VSTM4: variants seen among roughly 807,000 people sequenced by gnomAD.
VSTM4 encodes the protein V-set and transmembrane domain-containing protein 4.
Under a neutral mutation model 36.4 loss-of-function variants are expected in VSTM4, and 20 were observed. That is an observed-to-expected ratio of 0.55 (90% confidence interval 0.39 to 0.80). The LOEUF (loss-of-function observed/expected upper bound fraction) is 0.80. Ranked by LOEUF, VSTM4 falls within the 30% of genes least tolerant of loss-of-function variation. The pLI is 0.00. For missense variants in VSTM4, 392 were observed against 404.5 expected (o/e 0.97, Z 0.26); for synonymous variants, 182 against 173.9 (o/e 1.05, Z -0.37).
In VSTM4 at chr10:49,023,895, C is replaced by G. The variant is rs146576547; in HGVS notation, c.838-4120G>C. Among the ~76,000 whole-genome samples the G allele has an allele frequency of 2.0e-3, 305 of 152,256 alleles. 1 individual carries two copies. Among genetic ancestry groups the G allele is most frequent in the African/African-American group, 6.8e-3 (281 of 41,546 alleles). ...CAAACACTCTTAACGACTGTAAATT[C>G]CATTGAAAGCCTCAAGGAAACTGCT... On this transcript the variant is annotated intron_variant, in intron 7 of 7. Coordinates refer to ENST00000332853, the MANE Select transcript of VSTM4 (RefSeq NM_001031746.5).
Position 49,107,704 on chromosome 10 carries a change from G to C in VSTM4, c.347C>G (p.Thr116Arg). Reference protein sequence around the residue: ...RGALYRLSVLTLQPSDQGHYV... With the variant: ...RGALYRLSVLRLQPSDQGHYV... Reference sequence around the variant, plus strand: ...ATGCCCTTGATCGGAGGGCTGCAGTGTCAAGACGGAGAGCCTGTAGAGCGC... The same window carrying C: ...ATGCCCTTGATCGGAGGGCTGCAGTCTCAAGACGGAGAGCCTGTAGAGCGC... Residue 116 changes from threonine (T) to arginine (R), a missense_variant, in exon 2 of 8, where the codon ACA (threonine) becomes AGA (arginine). Transcript: ENST00000332853. 1 of 1,614,232 alleles carries C rather than the reference G, an allele frequency of 6.2e-7. No homozygotes were observed. The highest frequency in any genetic ancestry group is 1.3e-5 in the African/African-American group (1 of 75,068).
At chr10:49,083,525 T>A (rs1844316456) in intron 3 of VSTM4, among the ~76,000 whole-genome samples, 1 of 152,144 alleles carries the variant, frequency 6.6e-6, no homozygotes, top group African/African-American at 2.4e-5. Flanking sequence ...GCTGCCGAAA[T>A]CATAGGAAAA....
intron 1 of VSTM4, among the ~76,000 whole-genome samples, chr10:49,115,109 A>G (rs1038107758): frequency 1.3e-5 from 2 of 152,042 alleles, no homozygotes; most frequent in Admixed American, 1.3e-4. Context: ...CGAACCACCA[A>G]CTTGGGCTGC....
Position 49,019,533 on chromosome 10 carries a change from G to A in VSTM4, c.*117C>T. 5 of 1,389,236 alleles carry A rather than the reference G, an allele frequency of 3.6e-6. No individual in the cohort carries two copies. Among genetic ancestry groups the A allele is most frequent in the Non-Finnish European group, 3.8e-6 (4 of 1,061,100 alleles). 86.1% of individuals were successfully genotyped at this position (1,389,236 alleles called of 1,614,324 possible). A position where few individuals can be genotyped will look rare whatever the true frequency, so the allele number is the denominator to read the frequency against. ...GGCACCCAGAATGCTGCTGAAAAGG[G>A]GCTCCCCACCACTCAGAAGGCATGA... On this transcript the variant is annotated 3_prime_UTR_variant, in exon 8 of 8. Transcript: ENST00000332853.
chr10:49,071,320 C>T (rs954148299), intron 4 of VSTM4, among the ~76,000 whole-genome samples: 1 of 152,182 alleles, frequency 6.6e-6, no homozygotes, highest in East Asian at 1.9e-4. Context: ...CAAGCAAAAG[C>T]CTTTGGAAAC....
At chr10:49,043,012 T>A (rs1446455419) in intron 7 of VSTM4, among the ~76,000 whole-genome samples, 1 of 152,102 alleles carries the variant, frequency 6.6e-6, no homozygotes, top group Non-Finnish European at 1.5e-5. Flanking sequence ...ACATGCTTGG[T>A]ATATTTAAGG....
intron 7 of VSTM4, among the ~76,000 whole-genome samples, chr10:49,035,922 T>A (rs192862450): frequency 1.3e-5 from 2 of 152,278 alleles, no homozygotes; most frequent in Admixed American, 1.3e-4. Flanking sequence ...CCAGTGAATT[T>A]CTATTGGTCT....
intron 4 of VSTM4, among the ~76,000 whole-genome samples, chr10:49,074,005 GGCAGT>G (rs1354377945): frequency 2.0e-5 from 3 of 152,156 alleles, no homozygotes; most frequent in Non-Finnish European, 4.4e-5. Context: ...CATCACCATG[GGCAGT>G]GCCTCTCCTG....
intron 7 of VSTM4, among the ~76,000 whole-genome samples, chr10:49,033,028 A>C (rs993744195): frequency 6.6e-6 from 1 of 152,028 alleles, no homozygotes; most frequent in Non-Finnish European, 1.5e-5. Context: ...ATGAGGCTAT[A>C]CTTTCACATA....
At chr10:49,069,114 G>T (rs918284074) in intron 4 of VSTM4, among the ~76,000 whole-genome samples, 4 of 152,082 alleles carry the variant, frequency 2.6e-5, no homozygotes, top group Non-Finnish European at 4.4e-5. Flanking sequence ...CAGCCTGAAG[G>T]CTCTGTCTTC....
intron 4 of VSTM4, among the ~76,000 whole-genome samples, chr10:49,067,008 G>A (rs944361402): frequency 1.3e-5 from 2 of 152,124 alleles, no homozygotes; most frequent in African/African-American, 2.4e-5. Flanking sequence ...ATTTCTAACA[G>A]TTAAAACTTG....
chr10:49,040,291 C>CT (rs1235755855), intron 7 of VSTM4, among the ~76,000 whole-genome samples: 8 of 151,418 alleles, frequency 5.3e-5, no homozygotes, highest in South Asian at 4.2e-4. Flanking sequence ...TCACTTTCTT[C>CT]TTTTTTTTTG....
At chr10:49,021,621 C>G (rs1017984936) in intron 7 of VSTM4, among the ~76,000 whole-genome samples, 1 of 151,934 alleles carries the variant, frequency 6.6e-6, no homozygotes, top group Non-Finnish European at 1.5e-5. Flanking sequence ...TGATACTCAC[C>G]CTCTCATAAT....
intron 5 of VSTM4, among the ~76,000 whole-genome samples, chr10:49,049,794 T>C (rs1390484651): frequency 6.6e-6 from 1 of 151,816 alleles, no homozygotes; most frequent in Non-Finnish European, 1.5e-5. Flanking sequence ...TGCAGTCAAA[T>C]GTGAGGCAAA....
chr10:49,101,537 A>C (rs1418993109), intron 2 of VSTM4, among the ~76,000 whole-genome samples: 1 of 152,252 alleles, frequency 6.6e-6, no homozygotes, highest in Non-Finnish European at 1.5e-5. Context: ...GAATATAATA[A>C]TCGAAATTAA....
intron 4 of VSTM4, among the ~76,000 whole-genome samples, chr10:49,065,219 A>C (rs748483704): frequency 6.6e-6 from 1 of 152,240 alleles, no homozygotes; most frequent in African/African-American, 2.4e-5. Flanking sequence ...TCCTACAGGA[A>C]AACCAAATGA....
chr10:49,113,537 C>T (rs1844935736), intron 1 of VSTM4, among the ~76,000 whole-genome samples: 2 of 152,210 alleles, frequency 1.3e-5, no homozygotes, highest in Admixed American at 1.3e-4. Context: ...CTTGTTCAAG[C>T]TCACATAGTA....
chr10:49,088,684 C>G (rs960307258), intron 2 of VSTM4, among the ~76,000 whole-genome samples: 3 of 152,244 alleles, frequency 2.0e-5, no homozygotes, highest in African/African-American at 7.2e-5. Flanking sequence ...TATTTACTCT[C>G]TTTGCATTCC....
chr10:49,111,562 T>C (rs78365172), intron 1 of VSTM4, among the ~76,000 whole-genome samples: 2 of 152,328 alleles, frequency 1.3e-5, no homozygotes, highest in South Asian at 2.1e-4. Context: ...CTAGGAAGGA[T>C]TGCCAAAGTC....
Sources: allele counts gnomAD v4.1 joint callset (sites outside exome capture counted in the v4.1 genomes callset), GRCh38; gene constraint gnomAD v4.1.1; transcripts MANE v1.5; gene names NCBI Gene and HGNC (gene_info 2026-07-23, HGNC 2026-07-21).